The following HGFAC variants were observed in gnomAD, a reference collection of about 807,000 sequenced individuals.
HGFAC encodes HGF activator.
A neutral mutation model predicts 70.6 loss-of-function variants in HGFAC; 76 were observed. The ratio of observed to expected loss-of-function variants is 1.08; its 90% CI spans 0.89 to 1.30. The LOEUF is 1.30. Ranked by LOEUF, HGFAC falls within the 50% of genes most tolerant of loss-of-function variation. The pLI is 0.00. For synonymous variants in HGFAC, 464 were observed against 405.3 expected (o/e 1.14, Z -1.74); for missense variants, 1,044 against 933.7 (o/e 1.12, Z -1.54).
rs762662696 is a variant in HGFAC at position 3,445,030 on chromosome 4, G to T, written c.1016+37G>T. 5.3e-6 allele frequency: 8 copies of T among 1,511,602 alleles called. No individual in the cohort carries two copies. The South Asian group carries it at 9.2e-5, about 17-fold the overall frequency. The allele number at this position is 1,511,602 out of a possible 1,614,324, so 93.6% of individuals were successfully genotyped here. Reference sequence around the variant, plus strand: ...GCCGCTCCAGGCCGCCGCATGCGGGGCAGGCAGGATTTGTCCTGGGGAGAG... The same window carrying T: ...GCCGCTCCAGGCCGCCGCATGCGGGTCAGGCAGGATTTGTCCTGGGGAGAG... On this transcript the variant is annotated intron_variant, in intron 8 of 13. Coordinates refer to ENST00000382774, the MANE Select transcript of HGFAC (RefSeq NM_001528.4).
At chr4:3,447,401 G>T in intron 10 of HGFAC, 91 bp from the exon 11 acceptor site, 1 of 1,455,672 alleles carries the variant, frequency 6.9e-7, no homozygotes, top group Non-Finnish European at 9.5e-7. Context: ...CCACACCATT[G>T]GCCTCCGTGG....
Position 3,444,615 on chromosome 4 carries a change from GC to G in HGFAC, c.731-3del, listed in dbSNP as rs1365573263. ...GCCCCTGGCCCAGCTCCTCGGCCCT[GC>G]CCCCAGCTTGTCTGAGCAGCCCTTG... is the stretch of plus-strand genomic sequence containing the variant. On this transcript the variant is annotated splice_polypyrimidine_tract_variant and splice_region_variant and intron_variant, in intron 6 of 13. Transcript: ENST00000382774. 4 of 1,586,510 alleles carry G rather than the reference GC, an allele frequency of 2.5e-6. No individual in the cohort carries two copies. In the African/African-American group the frequency reaches 4.0e-5, roughly 16 times the overall value.
chr4:3,446,346 C>A, intron 10 of HGFAC, 52 bp downstream of exon 10: 1 of 1,571,242 alleles, frequency 6.4e-7, no homozygotes, highest in Non-Finnish European at 8.6e-7. Context: ...ACACACCATC[C>A]AGCGTCACTA....
At chr4:3,446,520 G>A (rs1725520786) in intron 10 of HGFAC, among the ~76,000 whole-genome samples, 1 of 152,180 alleles carries the variant, frequency 6.6e-6, no homozygotes, top group Admixed American at 6.5e-5. Flanking sequence ...GGGAGGCCAG[G>A]GGTCAGTGGC....
intron 3 of HGFAC, 83 bp downstream of exon 3, chr4:3,443,229 G>T: frequency 7.5e-7 from 1 of 1,324,672 alleles, no homozygotes; most frequent in Non-Finnish European, 1.0e-6. Context: ...CACACAGTAG[G>T]CGCTCACCAC....
At chr4:3,441,123 C>A (rs374611527), upstream of HGFAC, among the ~76,000 whole-genome samples, 1 of 152,168 alleles carries the variant, frequency 6.6e-6, no homozygotes, top group Non-Finnish European at 1.5e-5. This position sits in a 1 kb window ranked among gnomAD's most constrained non-coding sequence, Gnocchi z 6.0. Context: ...GTTCCTCAGG[C>A]AGCTCTGCCC....
In HGFAC at chr4:3,442,031, CT is replaced by C. The variant is rs1215393041; in HGVS notation, c.31del (p.Trp11GlyfsTer50). 2 of 1,524,708 alleles carry C rather than the reference CT, an allele frequency of 1.3e-6. No individual in the cohort carries two copies. The highest frequency in any genetic ancestry group is 1.7e-6 in the Non-Finnish European group (2 of 1,153,184). 94.4% of individuals were successfully genotyped at this position (1,524,708 alleles called of 1,614,324 possible). A position where few individuals can be genotyped will look rare whatever the true frequency, so the allele number is the denominator to read the frequency against. On this transcript the variant is annotated frameshift_variant, in exon 1 of 14. Transcript: ENST00000382774. LOFTEE classifies it high-confidence loss of function. The part of the protein sequence containing the change: MGRWAWVPSP[W>X]PPPGLGPFLL... ...GGCGCTGGGCCTGGGTCCCCAGCCCCTGGCCCCCACCGGGGCTGGGCCCCTT... is the reference window on the plus strand; with the variant it reads ...GGCGCTGGGCCTGGGTCCCCAGCCCCGGCCCCCACCGGGGCTGGGCCCCTT...
In HGFAC at chr4:3,449,115, G is replaced by C. The variant is rs530563286; in HGVS notation, c.1786-122G>C. 79 of 868,762 alleles carry C rather than the reference G, an allele frequency of 9.1e-5. No homozygotes were observed. In the East Asian group the frequency reaches 1.6e-3, roughly 17 times the overall value. 53.8% of individuals were successfully genotyped at this position (868,762 alleles called of 1,614,324 possible). A position where few individuals can be genotyped will look rare whatever the true frequency, so the allele number is the denominator to read the frequency against. Reference sequence around the variant, plus strand: ...ACACCTTTTCATGAGGTTCAGGAGAGTGGATCAGCTCCCTTGCTCAGAAAT... The same window carrying C: ...ACACCTTTTCATGAGGTTCAGGAGACTGGATCAGCTCCCTTGCTCAGAAAT... On this transcript the variant is annotated intron_variant, in intron 13 of 13. Coordinates refer to ENST00000382774, the MANE Select transcript of HGFAC (RefSeq NM_001528.4).
chr4:3,444,651 G>A lies in HGFAC; in HGVS notation c.759G>A (p.Gly253=). 6.3e-7 allele frequency: 1 copy of A among 1,597,784 alleles called. No individual in the cohort carries two copies. The highest frequency in any genetic ancestry group is 8.5e-7 in the Non-Finnish European group (1 of 1,178,170). Residue 253 remains glycine, a synonymous_variant, in exon 7 of 14, where the codon GGG becomes GGA. Transcript: ENST00000382774. ...GTCTGAGCAGCCCTTGCCTGAACGG[G>A]GGCACCTGCCACCTGATCGTGGCCA... ...TACLSSPCLN[G]GTCHLIVATG...
In HGFAC at chr4:3,442,098, T is replaced by C. The variant is rs774025356; in HGVS notation, c.97T>C (p.Phe33Leu). 2 of 1,559,260 alleles carry C rather than the reference T, an allele frequency of 1.3e-6. No individual in the cohort carries two copies. The highest frequency in any genetic ancestry group is 1.7e-6 in the Non-Finnish European group (2 of 1,164,268). Residue 33 changes from phenylalanine (F) to leucine (L), a missense_variant, in exon 1 of 14, where the codon TTC becomes CTC. Coordinates refer to ENST00000382774, the MANE Select transcript of HGFAC (RefSeq NM_001528.4). The stretch of plus-strand genomic sequence containing the variant: ...GCTGCTGCTGCTGCTGCCACGGGGG[T>C]TCCAGCCCCAGCCTGGCGGGGTGAG... ...LLLLLLLPRG[F>L]QPQPGGNRTE...
In HGFAC at chr4:3,447,487, C is replaced by T. The variant is rs373627418; in HGVS notation, c.1356-5C>T. ...TCCATGCAGCCTCCAGCCCCCCTTG[C>T]ACAGCCCCCCCAGGGACAGCGTCTC... On this transcript the variant is annotated splice_region_variant and splice_polypyrimidine_tract_variant and intron_variant, in intron 10 of 13. Transcript: ENST00000382774. The T allele has an allele frequency of 3.7e-6, 6 of 1,612,342 alleles. No individual in the cohort carries two copies. Among genetic ancestry groups the T allele is most frequent in the Non-Finnish European group, 5.1e-6 (6 of 1,179,720 alleles).
In HGFAC at chr4:3,448,185, A is replaced by G; in HGVS notation, c.1694A>G (p.His565Arg). Residue 565 changes from histidine (H) to arginine (R), a missense_variant, in exon 13 of 14, where the codon CAC (histidine) becomes CGC (arginine). Physicochemically the swap from His to Arg is conservative, Grantham distance 29. Transcript: ENST00000382774. ...GCCCTGGTCCCCCTGGTCGCCGACC[A>G]CAAGTGCAGCAGCCCTGAGGTCTAC... ...REALVPLVAD[H>R]KCSSPEVYGA... is the part of the protein sequence containing the mutation. The G allele has an allele frequency of 6.2e-7, 1 of 1,604,856 alleles. No individual in the cohort carries two copies.
intron 11 of HGFAC, 85 bp from the exon 12 acceptor site, chr4:3,447,810 G>T: frequency 6.4e-7 from 1 of 1,563,232 alleles, no homozygotes; most frequent in Non-Finnish European, 8.7e-7. Flanking sequence ...GGACCCCACT[G>T]GCTACCCTCC....
At position 3,449,188 on chromosome 4, in the gene HGFAC, C is replaced by G. The variant is rs752608514; in HGVS notation, c.1786-49C>G. 6 of 1,555,642 alleles carry G rather than the reference C, an allele frequency of 3.9e-6. No homozygotes were observed. In the South Asian group the frequency reaches 6.9e-5, roughly 18 times the overall value. ...CTGCCACTTGGGGGAGAGGGGGGTC[C>G]CTGAACCAGGCCCCTGGGAGGGTGG... On this transcript the variant is annotated intron_variant, in intron 13 of 13. Transcript: ENST00000382774.
chr4:3,445,860 A>G (rs888290295), intron 9 of HGFAC, 182 bp from the exon 10 acceptor site: 4 of 1,540,902 alleles, frequency 2.6e-6, no homozygotes, highest in Non-Finnish European at 3.5e-6. Flanking sequence ...ATCGGGCATC[A>G]AACCCCATTC....
rs929679253 is a variant in HGFAC, at chr4:3,446,051, C to T, written c.1112C>T (p.Thr371Ile). 5 of 1,609,016 alleles carry T rather than the reference C, an allele frequency of 3.1e-6. No homozygotes were observed. Among genetic ancestry groups the T allele is most frequent in the Non-Finnish European group, 4.2e-6 (5 of 1,178,054 alleles). The part of the protein sequence containing the change: ...YCRLEACESL[T>I]RVQLSPDLLA... ...TGACCTTTGCTCCCAGAATCCCTCACCAGAGTCCAACTGTCACCGGATCTC... is the reference window on the plus strand; with the variant it reads ...TGACCTTTGCTCCCAGAATCCCTCATCAGAGTCCAACTGTCACCGGATCTC... The change falls in exon 10 of 14, where the codon ACC becomes ATC. Residue 371 changes from threonine to isoleucine, a missense_variant. Transcript: ENST00000382774.
At chr4:3,449,128 C>T (rs1364848033) in intron 13 of HGFAC, 109 bp from the exon 14 acceptor site, 4 of 989,210 alleles carry the variant, frequency 4.0e-6, no homozygotes, top group African/African-American at 1.6e-5. Flanking sequence ...GATCAGCTCC[C>T]TTGCTCAGAA....
chr4:3,448,627 G>C (rs1424102501), intron 13 of HGFAC, among the ~76,000 whole-genome samples: 1 of 152,184 alleles, frequency 6.6e-6, no homozygotes, highest in African/African-American at 2.4e-5. Flanking sequence ...TCTCAAGCCA[G>C]CTCTTCAACC....
Position 3,449,221 on chromosome 4 carries a change from C to T in HGFAC, c.1786-16C>T, listed in dbSNP as rs1725642637. 2.5e-6 allele frequency: 4 copies of T among 1,606,388 alleles called. No homozygotes were observed. The South Asian group carries it at 3.3e-5, about 13-fold the overall frequency. ...AGGCCCCTGGGAGGGTGGCTCTGACCAACGTCTCTGCCCAGGGGGACTCAG... is the reference window on the plus strand; with the variant it reads ...AGGCCCCTGGGAGGGTGGCTCTGACTAACGTCTCTGCCCAGGGGGACTCAG... On this transcript the variant is annotated splice_polypyrimidine_tract_variant and intron_variant, in intron 13 of 13. Coordinates refer to ENST00000382774, the MANE Select transcript of HGFAC (RefSeq NM_001528.4).
Sources: gnomAD v4.1 joint callset for allele counts (sites outside exome capture counted in the v4.1 genomes callset) on GRCh38, gnomAD v4.1.1 for gene constraint, Gnocchi (gnomAD v3.1) non-coding constraint, MANE v1.5 for transcripts, NCBI Gene and HGNC (gene_info 2026-07-23, HGNC 2026-07-21) for gene names.